The following MYRIP variants were observed in gnomAD, a reference collection of about 807,000 sequenced individuals.
MYRIP encodes rab effector MyRIP.
Under a neutral mutation model 98.0 loss-of-function variants are expected in MYRIP, and 49 were observed. The observed-to-expected ratio is 0.50, with a 90% CI of 0.40 to 0.63. MYRIP has a LOEUF of 0.63. Among genes scored for constraint, MYRIP ranks in the 30% least tolerant of loss-of-function variants. The pLI is 0.00. For missense variants in MYRIP, 1,004 were observed against 1,058.2 expected (o/e 0.95, Z 0.71); for synonymous variants, 404 against 409.5 (o/e 0.99, Z 0.16).
chr3:39,809,609 A>C lies in MYRIP; in HGVS notation c.-338A>C, dbSNP rs1940592159. The C allele has an allele frequency of 6.6e-6, 1 of 151,318 alleles. No homozygotes were observed. The highest frequency in any genetic ancestry group is 1.5e-5 in the Non-Finnish European group (1 of 67,718). 9.4% of individuals were successfully genotyped at this position (151,318 alleles called of 1,614,324 possible). A position where few individuals can be genotyped will look rare whatever the true frequency, so the allele number is the denominator to read the frequency against. On this transcript the variant is annotated 5_prime_UTR_variant, in exon 1 of 17. Coordinates refer to ENST00000302541, the MANE Select transcript of MYRIP (RefSeq NM_015460.4). Reference sequence around the variant, plus strand: ...GCAGGTGTCGGCGGTGGCTGCGGCCAGGCTGGCCCTGGCTGCCTGCGGCGC... The same window carrying C: ...GCAGGTGTCGGCGGTGGCTGCGGCCCGGCTGGCCCTGGCTGCCTGCGGCGC...
intron 3 of MYRIP, among the ~76,000 whole-genome samples, chr3:40,145,033 T>C (rs1196088594): frequency 6.6e-6 from 1 of 152,196 alleles, no homozygotes. Context: ...CCAGGCGCCT[T>C]ATTATTTATG....
chr3:40,218,629 T>TA (rs1402516846), intron 11 of MYRIP, among the ~76,000 whole-genome samples: 1,197 of 22,676 alleles, frequency 0.053, 50 homozygotes, highest in African/African-American at 0.072. Flanking sequence ...TATATATATA[T>TA]ATATATATAT....
chr3:39,849,532 G>C (rs890569143), intron 1 of MYRIP, among the ~76,000 whole-genome samples: 3 of 152,172 alleles, frequency 2.0e-5, no homozygotes, highest in African/African-American at 7.2e-5. Flanking sequence ...GATGGTGAGA[G>C]GTTCATCAGT....
chr3:40,183,771 C>T (rs1950954034), intron 9 of MYRIP, among the ~76,000 whole-genome samples: 1 of 152,174 alleles, frequency 6.6e-6, no homozygotes, highest in Non-Finnish European at 1.5e-5. Context: ...GACCCCTTTC[C>T]TGAATAATGA....
At chr3:39,923,364 A>G (rs754042161) in intron 2 of MYRIP, among the ~76,000 whole-genome samples, 4 of 152,152 alleles carry the variant, frequency 2.6e-5, no homozygotes, top group Non-Finnish European at 4.4e-5. Flanking sequence ...CAAACAGGAT[A>G]AACCCAAAGA....
intron 13 of MYRIP, 66 bp from the exon 14 acceptor site, chr3:40,250,156 C>A: frequency 7.6e-7 from 1 of 1,323,734 alleles, no homozygotes; most frequent in Non-Finnish European, 1.1e-6. Flanking sequence ...ATTCTTAACA[C>A]TTTTAAGAAA....
rs534730821 is a variant in MYRIP at position 40,186,995 on chromosome 3, C to T, written c.1028-2831C>T. Among the ~76,000 whole-genome samples the T allele has an allele frequency of 2.4e-4, 36 of 152,316 alleles. No homozygotes were observed. The South Asian group carries it at 6.8e-3, about 29-fold the overall frequency. On this transcript the variant is annotated intron_variant, in intron 9 of 16. Coordinates refer to ENST00000302541, the MANE Select transcript of MYRIP (RefSeq NM_015460.4). ...GCTAGCAAGCCACTCTTCTGAATAG[C>T]TCCATTGTCAATGAAAATAGTGTTG...
At chr3:40,207,785 C>G (rs1951824104) in intron 10 of MYRIP, among the ~76,000 whole-genome samples, 1 of 152,146 alleles carries the variant, frequency 6.6e-6, no homozygotes, top group Non-Finnish European at 1.5e-5. Flanking sequence ...CTCATCAATT[C>G]TTGAGCTTGA....
intron 8 of MYRIP, chr3:40,174,431 T>C (rs892737225): frequency 2.6e-5 from 4 of 152,236 alleles, no homozygotes; most frequent in African/African-American, 7.2e-5. Flanking sequence ...TTCATACTTA[T>C]ACTCCTGGGG....
At chr3:40,092,007 G>C (rs1420231552) in intron 3 of MYRIP, among the ~76,000 whole-genome samples, 1 of 152,176 alleles carries the variant, frequency 6.6e-6, no homozygotes, top group Non-Finnish European at 1.5e-5. Flanking sequence ...CATTTCACAA[G>C]CTATAAATTG....
intron 1 of MYRIP, among the ~76,000 whole-genome samples, chr3:39,811,947 G>C (rs947508868): frequency 5.9e-5 from 9 of 152,152 alleles, no homozygotes; most frequent in African/African-American, 2.2e-4. Flanking sequence ...ATATCCCGTA[G>C]AAAACAAGGC....
chr3:39,869,846 G>A (rs1942732139), intron 1 of MYRIP, among the ~76,000 whole-genome samples: 1 of 152,170 alleles, frequency 6.6e-6, no homozygotes, highest in Non-Finnish European at 1.5e-5. Context: ...CTAACAATGT[G>A]TGGCTCCTCA....
intron 3 of MYRIP, among the ~76,000 whole-genome samples, chr3:40,143,201 A>T (rs1020878242): frequency 4.6e-5 from 7 of 152,210 alleles, no homozygotes; most frequent in African/African-American, 1.4e-4. Flanking sequence ...ATACATAGTG[A>T]AAGAATGAAA....
chr3:39,835,183 A>G (rs959891225), intron 1 of MYRIP, among the ~76,000 whole-genome samples: 1 of 152,232 alleles, frequency 6.6e-6, no homozygotes, highest in African/African-American at 2.4e-5. Context: ...CCTGTTGTGA[A>G]GCTTATCCAT....
chr3:39,954,129 A>G (rs1945096140), intron 2 of MYRIP, among the ~76,000 whole-genome samples: 1 of 152,148 alleles, frequency 6.6e-6, no homozygotes, highest in Non-Finnish European at 1.5e-5. Context: ...GCAGACTTAA[A>G]ATGTCCCTGT....
chr3:40,126,123 G>A (rs1055914477), intron 3 of MYRIP, among the ~76,000 whole-genome samples: 2 of 152,032 alleles, frequency 1.3e-5, no homozygotes, highest in African/African-American at 2.4e-5. Flanking sequence ...GGCTCTTAAC[G>A]ACCTGCCCAA....
At chr3:40,028,744 C>G (rs975453510) in intron 2 of MYRIP, among the ~76,000 whole-genome samples, 2 of 152,182 alleles carry the variant, frequency 1.3e-5, no homozygotes, top group Non-Finnish European at 2.9e-5. Context: ...GGTAGCCTGT[C>G]TTGCATCATT....
chr3:40,013,936 G>A (rs969784050), intron 2 of MYRIP, among the ~76,000 whole-genome samples: 4 of 152,196 alleles, frequency 2.6e-5, no homozygotes, highest in African/African-American at 9.7e-5. Context: ...TCTAAACACA[G>A]CTCCTGTTGT....
chr3:39,903,076 C>T (rs905913038), intron 2 of MYRIP, among the ~76,000 whole-genome samples: 5 of 152,182 alleles, frequency 3.3e-5, no homozygotes, highest in Non-Finnish European at 5.9e-5. Flanking sequence ...ACAGTTGTTA[C>T]TATTGTCCTC....
Sources: gnomAD v4.1 joint callset for allele counts (sites outside exome capture counted in the v4.1 genomes callset) on GRCh38, gnomAD v4.1.1 for gene constraint, MANE v1.5 for transcripts, NCBI Gene and HGNC (gene_info 2026-07-23, HGNC 2026-07-21) for gene names.